DLG2: variants seen among roughly 807,000 people sequenced by gnomAD.
DLG2 encodes the protein discs large MAGUK scaffold protein 2, also known as disks large homolog 2.
Under a neutral mutation model 132.5 loss-of-function variants are expected in DLG2, and 45 were observed. The ratio of observed to expected loss-of-function variants is 0.34; its 90% CI spans 0.27 to 0.44. The LOEUF is 0.44. DLG2 is among the 20% of genes least tolerant of loss of function. The pLI, the probability that DLG2 is intolerant of heterozygous loss-of-function variation, is 1.00. For missense variants in DLG2, 1,045 were observed against 1,196.9 expected (o/e 0.87, Z 1.87); for synonymous variants, 424 against 419.6 (o/e 1.01, Z -0.13).
intron 6 of DLG2, among the ~76,000 whole-genome samples, chr11:84,593,386 G>C (rs1355788330): frequency 6.6e-6 from 1 of 152,002 alleles, no homozygotes; most frequent in Non-Finnish European, 1.5e-5. Flanking sequence ...AAAGACTTGG[G>C]ACCAACCCAA....
intron 3 of DLG2, among the ~76,000 whole-genome samples, chr11:85,500,353 G>A (rs1283258907): frequency 8.1e-6 from 1 of 123,502 alleles, no homozygotes; most frequent in Non-Finnish European, 1.6e-5. Context: ...AGATCACATG[G>A]ACACAGGAAG....
chr11:83,932,712 T>A, intron 14 of DLG2, among the ~76,000 whole-genome samples: 1 of 152,194 alleles, frequency 6.6e-6, no homozygotes, highest in East Asian at 1.9e-4. Flanking sequence ...TAATTTTTTT[T>A]TTTTTTAGCC....
intron 6 of DLG2, among the ~76,000 whole-genome samples, chr11:84,932,447 T>C (rs1328188066): frequency 3.3e-5 from 5 of 152,142 alleles, no homozygotes; most frequent in African/African-American, 4.8e-5. Flanking sequence ...GTTAGTTACA[T>C]AGGTACACAT....
intron 5 of DLG2, among the ~76,000 whole-genome samples, chr11:85,124,854 G>A (rs550679265): frequency 9.7e-5 from 14 of 144,778 alleles, no homozygotes; most frequent in South Asian, 2.2e-4. Context: ...TTTTTGAGAC[G>A]GAGTCTCGCT....
At chr11:83,699,526 C>T in intron 18 of DLG2, among the ~76,000 whole-genome samples, 1 of 149,326 alleles carries the variant, frequency 6.7e-6, no homozygotes. Flanking sequence ...GAAGCCCCGT[C>T]TCTACTAAAA....
At chr11:84,319,577 G>A (rs1567280890) in intron 7 of DLG2, among the ~76,000 whole-genome samples, 2 of 152,212 alleles carry the variant, frequency 1.3e-5, no homozygotes, top group South Asian at 4.2e-4. Context: ...ACTTTGTAAT[G>A]GTGTGTGCAG....
intron 6 of DLG2, among the ~76,000 whole-genome samples, chr11:84,599,234 G>T (rs1298287667): frequency 6.6e-6 from 1 of 152,068 alleles, no homozygotes; most frequent in African/African-American, 2.4e-5. Flanking sequence ...GACAAAGCAA[G>T]ACTCCATCTC....
At chr11:84,648,108 G>A (rs1300162853) in intron 6 of DLG2, among the ~76,000 whole-genome samples, 7 of 152,246 alleles carry the variant, frequency 4.6e-5, no homozygotes, top group Admixed American at 3.9e-4. Flanking sequence ...AGATCTTACT[G>A]CCTACAAAAC....
chr11:84,163,400 G>T, intron 9 of DLG2, 61 bp downstream of exon 9: 1 of 1,444,626 alleles, frequency 6.9e-7, no homozygotes. Context: ...AACTCATTAA[G>T]ATTAGAATAG....
intron 2 of DLG2, among the ~76,000 whole-genome samples, chr11:85,599,798 C>T (rs2080025541): frequency 6.6e-6 from 1 of 152,150 alleles, no homozygotes; most frequent in Admixed American, 6.5e-5. Flanking sequence ...CAGTCTTAAA[C>T]CCATATCTTA....
rs907437593 is a variant in DLG2, at chr11:83,456,804, C to A, written c.*3014G>T. On this transcript the variant is annotated 3_prime_UTR_variant, in exon 28 of 28. Coordinates refer to ENST00000376104, the MANE Select transcript of DLG2 (RefSeq NM_001142699.3). Reference sequence around the variant, plus strand: ...GGGCCGGCAGTAGGATCTAAGACAGCGCACAGAGGCACCCGAGTGCAGCTT... The same window carrying A: ...GGGCCGGCAGTAGGATCTAAGACAGAGCACAGAGGCACCCGAGTGCAGCTT... The A allele has an allele frequency of 6.6e-6, 1 of 152,150 alleles. No individual in the cohort carries two copies. Among genetic ancestry groups the A allele is most frequent in the Non-Finnish European group, 1.5e-5 (1 of 68,034 alleles). 9.4% of individuals were successfully genotyped at this position (152,150 alleles called of 1,614,324 possible).
Position 84,608,507 on chromosome 11 carries a change from G to T in DLG2, c.358-73776C>A, listed in dbSNP as rs188701789. Among the ~76,000 whole-genome samples, 147 of 152,210 alleles carry T rather than the reference G, an allele frequency of 9.7e-4. 1 individual carries two copies. Among genetic ancestry groups the T allele is most frequent in the Middle Eastern group, 6.8e-3 (2 of 294 alleles). ...CATATCAAATTAACATAAGCAAAAG[G>T]TTACTTGAGGGAACACTGCACTACT... On this transcript the variant is annotated intron_variant, in intron 6 of 27. Transcript: ENST00000376104.
At chr11:83,651,889 G>T (rs776037206) in intron 18 of DLG2, 1 of 471,026 alleles carries the variant, frequency 2.1e-6, no homozygotes, top group South Asian at 1.5e-5. Context: ...CATGTCTTCT[G>T]GCTAGAAGAA....
chr11:84,001,240 G>A (rs769136249), intron 11 of DLG2, among the ~76,000 whole-genome samples: 4 of 150,010 alleles, frequency 2.7e-5, no homozygotes, highest in Non-Finnish European at 5.9e-5. Context: ...AAAATAAAGG[G>A]ATGAAAAAAG....
intron 6 of DLG2, among the ~76,000 whole-genome samples, chr11:84,906,396 A>ACACACACACACACT: frequency 6.6e-6 from 1 of 151,882 alleles, no homozygotes; most frequent in East Asian, 1.9e-4. Flanking sequence ...ACACACACAC[A>ACACACACACACACT]CACACACACA....
At chr11:83,766,750 T>C (rs1778947470) in intron 18 of DLG2, among the ~76,000 whole-genome samples, 1 of 152,190 alleles carries the variant, frequency 6.6e-6, no homozygotes, top group African/African-American at 2.4e-5. Flanking sequence ...TCTTTTATGG[T>C]TTCTTAACAT....
At chr11:83,500,463 G>A (rs574728662) in intron 21 of DLG2, among the ~76,000 whole-genome samples, 7 of 152,244 alleles carry the variant, frequency 4.6e-5, no homozygotes, top group African/African-American at 1.7e-4. Flanking sequence ...AGATGATGTT[G>A]TTGCACTGTA....
intron 16 of DLG2, among the ~76,000 whole-genome samples, chr11:83,855,396 T>C (rs2060376925): frequency 1.3e-5 from 2 of 152,220 alleles, no homozygotes; most frequent in Non-Finnish European, 2.9e-5. Context: ...GCTTTATTAA[T>C]AATTGCCAAA....
chr11:85,253,529 C>T (rs954633331), intron 4 of DLG2, among the ~76,000 whole-genome samples: 1 of 152,088 alleles, frequency 6.6e-6, no homozygotes, highest in African/African-American at 2.4e-5. Context: ...CCGACAAGAG[C>T]GAACTACATA....
Sources: allele counts gnomAD v4.1 joint callset (sites outside exome capture counted in the v4.1 genomes callset), GRCh38; gene constraint gnomAD v4.1.1; transcripts MANE v1.5; gene names NCBI Gene and HGNC (gene_info 2026-07-23, HGNC 2026-07-21).